CDH8: variants seen among roughly 807,000 people sequenced by gnomAD.
CDH8 encodes the protein cadherin 8, also known as cadherin-8.
In CDH8, 17 loss-of-function variants were observed where a neutral mutation model predicts 68.1. The observed-to-expected ratio is 0.25, with a 90% CI of 0.17 to 0.37. CDH8 has a LOEUF of 0.37. Ranked by LOEUF, CDH8 falls within the 10% of genes least tolerant of loss-of-function variation. The probability of loss-of-function intolerance (pLI) is 1.00; values close to 1 mark genes in which losing one functional copy is unlikely to be tolerated. For missense variants in CDH8, 763 were observed against 999.3 expected (o/e 0.76, Z 3.19); for synonymous variants, 372 against 365.1 (o/e 1.02, Z -0.21).
intron 1 of CDH8, among the ~76,000 whole-genome samples, chr16:62,023,343 C>T (rs937970898): frequency 2.0e-5 from 3 of 152,030 alleles, no homozygotes; most frequent in Non-Finnish European, 4.4e-5. Context: ...ACAGATACAC[C>T]TGGGTTTGGA....
chr16:61,842,189 G>A (rs920121442), intron 4 of CDH8, among the ~76,000 whole-genome samples: 3 of 151,740 alleles, frequency 2.0e-5, no homozygotes, highest in African/African-American at 7.3e-5. Flanking sequence ...TTACGGGCAT[G>A]AGCCACCGCA....
intron 4 of CDH8, among the ~76,000 whole-genome samples, chr16:61,830,487 AAT>A (rs1962431456): frequency 6.6e-6 from 1 of 151,802 alleles, no homozygotes; most frequent in Non-Finnish European, 1.5e-5. Context: ...TATTTGCCAG[AAT>A]AGTTTATTTT....
intron 2 of CDH8, among the ~76,000 whole-genome samples, chr16:61,907,678 C>CAA (rs568772782): frequency 5.9e-4 from 73 of 124,244 alleles, no homozygotes; most frequent in African/African-American, 1.9e-3. Flanking sequence ...GACCCTGTTG[C>CAA]AAAAAAAAAA....
At chr16:61,792,974 C>A (rs1961413328) in intron 7 of CDH8, among the ~76,000 whole-genome samples, 1 of 151,920 alleles carries the variant, frequency 6.6e-6, no homozygotes, top group Non-Finnish European at 1.5e-5. Context: ...GTGTGATTCC[C>A]AAAATACATA....
At chr16:61,976,302 T>G (rs1311888331) in intron 2 of CDH8, among the ~76,000 whole-genome samples, 1 of 152,194 alleles carries the variant, frequency 6.6e-6, no homozygotes, top group African/African-American at 2.4e-5. Flanking sequence ...ACATACAAAA[T>G]AGCCCTTCAG....
intron 3 of CDH8, among the ~76,000 whole-genome samples, chr16:61,886,894 G>C (rs933621953): frequency 6.6e-6 from 1 of 152,136 alleles, no homozygotes; most frequent in Non-Finnish European, 1.5e-5. Flanking sequence ...ACCTATATAA[G>C]CTAACTGCTG....
chr16:61,821,248 A>T (rs975149437), intron 5 of CDH8, 135 bp from the exon 6 acceptor site: 2 of 576,396 alleles, frequency 3.5e-6, no homozygotes, highest in Middle Eastern at 4.5e-4. Context: ...TAGAAAAGAC[A>T]GAAATATCCG....
At chr16:62,030,209 ATTGAG>A (rs1261935390) in intron 1 of CDH8, among the ~76,000 whole-genome samples, 4 of 152,192 alleles carry the variant, frequency 2.6e-5, no homozygotes, top group Non-Finnish European at 5.9e-5. Context: ...CAAAAATACT[ATTGAG>A]TTATGACCCA....
At chr16:61,829,546 GA>G (rs1485608154) in intron 4 of CDH8, among the ~76,000 whole-genome samples, 1 of 151,842 alleles carries the variant, frequency 6.6e-6, no homozygotes, top group East Asian at 1.9e-4. Context: ...TGCTCCTTAA[GA>G]AGGCAGGGCA....
chr16:61,801,520 A>T (rs1309412287), intron 7 of CDH8, among the ~76,000 whole-genome samples: 2 of 152,166 alleles, frequency 1.3e-5, no homozygotes, highest in Admixed American at 1.3e-4. Context: ...AGCGACGCAG[A>T]AGACGGGTGA....
intron 8 of CDH8, among the ~76,000 whole-genome samples, chr16:61,747,003 G>T (rs1045425572): frequency 6.6e-6 from 1 of 152,048 alleles, no homozygotes; most frequent in Non-Finnish European, 1.5e-5. Context: ...CTATCTCAGT[G>T]TCAAGTACAT....
At position 61,890,567 on chromosome 16, in the gene CDH8, C is replaced by T. The variant is rs185989330; in HGVS notation, c.547+10612G>A. On this transcript the variant is annotated intron_variant, in intron 3 of 11. Coordinates refer to ENST00000577390, the MANE Select transcript of CDH8 (RefSeq NM_001796.5). ...AAATCACAGTCCGCCAGGAATGACA[C>T]ATTGTTTACCTATGGCGGTGGGGTA... Among the ~76,000 whole-genome samples, 640 of 152,242 alleles carry T rather than the reference C, an allele frequency of 4.2e-3. 2 individuals are homozygous for T. Among genetic ancestry groups the T allele is most frequent in the Middle Eastern group, 0.014 (4 of 294 alleles).
chr16:61,905,490 T>C (rs979460433), intron 2 of CDH8, among the ~76,000 whole-genome samples: 5 of 152,086 alleles, frequency 3.3e-5, no homozygotes, highest in Non-Finnish European at 7.3e-5. Context: ...ATTTATTACC[T>C]GGTAAACATT....
At chr16:61,972,002 T>C (rs1965348180) in intron 2 of CDH8, among the ~76,000 whole-genome samples, 1 of 152,098 alleles carries the variant, frequency 6.6e-6, no homozygotes, top group Admixed American at 6.5e-5. Flanking sequence ...TATGGCTTGG[T>C]TGTGTACTGA....
chr16:61,836,155 T>C (rs1254652326), intron 4 of CDH8, among the ~76,000 whole-genome samples: 3 of 152,088 alleles, frequency 2.0e-5, no homozygotes, highest in South Asian at 2.1e-4. Context: ...AGACATAGTA[T>C]ATCTGATCGA....
At position 61,710,294 on chromosome 16, in the gene CDH8, TACCATTTGA is replaced by T. The variant is rs201854155; in HGVS notation, c.1654+3538_1654+3546del. Among the ~76,000 whole-genome samples the T allele has an allele frequency of 9.3e-3, 1,412 of 152,182 alleles. 11 individuals carry two copies. The highest frequency in any genetic ancestry group is 0.014 in the Non-Finnish European group (925 of 67,962). ...AGAAGATAAAAATAAATAAACTGTA[TACCATTTGA>T]ACTAGGCCACTCGGTTGAGACAGAA... On this transcript the variant is annotated intron_variant, in intron 10 of 11. Transcript: ENST00000577390.
At chr16:61,929,573 G>A (rs1964508510) in intron 2 of CDH8, among the ~76,000 whole-genome samples, 1 of 152,042 alleles carries the variant, frequency 6.6e-6, no homozygotes, top group Non-Finnish European at 1.5e-5. Context: ...TAACAGGTTG[G>A]GAATCAATAA....
chr16:61,667,307 A>G (rs980945702), intron 10 of CDH8: 1 of 146,224 alleles, frequency 6.8e-6, no homozygotes, highest in East Asian at 1.9e-4. Context: ...TTGGCTTTGG[A>G]AAAAAAAAAT....
chr16:61,668,422 G>T (rs1963722578), intron 10 of CDH8, among the ~76,000 whole-genome samples: 1 of 151,916 alleles, frequency 6.6e-6, no homozygotes, highest in African/African-American at 2.4e-5. Context: ...GGAAAGGCAG[G>T]TTTATTCCAC....
Sources: allele counts gnomAD v4.1 joint callset (sites outside exome capture counted in the v4.1 genomes callset), GRCh38; gene constraint gnomAD v4.1.1; transcripts MANE v1.5; gene names NCBI Gene and HGNC (gene_info 2026-07-23, HGNC 2026-07-21).